SP2: variants seen among roughly 807,000 people sequenced by gnomAD.
SP2 encodes the protein transcription factor Sp2.
A neutral mutation model predicts 50.1 loss-of-function variants in SP2; 9 were observed. The observed-to-expected ratio is 0.18, with a 90% CI of 0.11 to 0.31. The LOEUF (loss-of-function observed/expected upper bound fraction) is 0.31. Among genes scored for constraint, SP2 ranks in the 10% least tolerant of loss-of-function variants. SP2 has a pLI of 1.00. For synonymous variants in SP2, 313 were observed against 326.6 expected, an observed-to-expected ratio of 0.96 and a Z score of 0.45; for missense variants, 581 against 806.5, an observed-to-expected ratio of 0.72 and a Z score of 3.39.
intron 1 of SP2, among the ~76,000 whole-genome samples, chr17:47,911,835 A>G (rs1256390155): frequency 2.0e-5 from 3 of 151,786 alleles, no homozygotes; most frequent in African/African-American, 7.3e-5. Flanking sequence ...CAGTGAAAAC[A>G]CACAAGAAAA....
chr17:47,927,870 G>A lies in SP2; in HGVS notation c.*46G>A. The stretch of plus-strand genomic sequence containing the variant: ...CCTGAAGATGCAGTCCCCCACCTGT[G>A]TCCTCCCTGGGCCCCTGGTGGAAAG... On this transcript the variant is annotated 3_prime_UTR_variant, in exon 7 of 7. Transcript: ENST00000376741. 1 of 1,176,612 alleles carries A rather than the reference G, an allele frequency of 8.5e-7. No individual in the cohort carries two copies. The highest frequency in any genetic ancestry group is 1.2e-6 in the Non-Finnish European group (1 of 803,634). The allele number at this position is 1,176,612 out of a possible 1,614,324, so 72.9% of individuals were successfully genotyped here.
chr17:47,913,602 C>CT, intron 1 of SP2, among the ~76,000 whole-genome samples: 1 of 152,214 alleles, frequency 6.6e-6, no homozygotes, highest in Non-Finnish European at 1.5e-5. Context: ...GGGACGGGGT[C>CT]TAACTGTGTT....
intron 5 of SP2, 97 bp from the exon 6 acceptor site, chr17:47,925,251 A>C: frequency 7.1e-7 from 1 of 1,415,826 alleles, no homozygotes. Context: ...CTCTGACCTG[A>C]CCCCACATCC....
intron 3 of SP2, among the ~76,000 whole-genome samples, chr17:47,922,516 A>C: frequency 6.7e-6 from 1 of 148,942 alleles, no homozygotes. Flanking sequence ...GATAACAAAG[A>C]CCAGAAACTT....
intron 3 of SP2, among the ~76,000 whole-genome samples, chr17:47,920,898 C>T (rs1805497162): frequency 6.6e-6 from 1 of 152,152 alleles, no homozygotes; most frequent in African/African-American, 2.4e-5. Context: ...AGAACATTTT[C>T]ATCACCCCAA....
downstream of SP2, among the ~76,000 whole-genome samples, chr17:47,930,971 C>CT (rs370402197): frequency 8.8e-4 from 130 of 147,704 alleles, 1 homozygote; most frequent in Middle Eastern, 3.5e-3. Flanking sequence ...ATTATATGTA[C>CT]TTTTTTTTTT....
At chr17:47,927,402 G>A (rs1053875065) in intron 6 of SP2, among the ~76,000 whole-genome samples, 16 of 151,862 alleles carry the variant, frequency 1.1e-4, no homozygotes, top group Non-Finnish European at 2.4e-4. Flanking sequence ...GTGCAGTGGC[G>A]GGCATCTGTA....
chr17:47,927,898 G>A lies in SP2; in HGVS notation c.*74G>A, dbSNP rs995067933. On this transcript the variant is annotated 3_prime_UTR_variant, in exon 7 of 7. Coordinates refer to ENST00000376741, the MANE Select transcript of SP2 (RefSeq NM_003110.6). The stretch of plus-strand genomic sequence containing the variant: ...CTCCCTGGGCCCCTGGTGGAAAGGA[G>A]CCCTGTGGCTGCCTTGGGCCTGCCC... The A allele has an allele frequency of 2.4e-5, 22 of 918,120 alleles. No individual in the cohort carries two copies. The African/African-American group carries it at 3.6e-4, about 15-fold the overall frequency. The allele number at this position is 918,120 out of a possible 1,614,324, so 56.9% of individuals were successfully genotyped here.
chr17:47,911,095 G>A (rs1172506398), intron 1 of SP2, among the ~76,000 whole-genome samples: 1 of 152,088 alleles, frequency 6.6e-6, no homozygotes, highest in African/African-American at 2.4e-5. Flanking sequence ...GTGTGGTGGT[G>A]TGCACCAGTG....
intron 1 of SP2, among the ~76,000 whole-genome samples, chr17:47,905,768 A>G (rs1026198755): frequency 1.3e-5 from 2 of 152,214 alleles, no homozygotes; most frequent in African/African-American, 2.4e-5. Flanking sequence ...GGCAGGTAGC[A>G]GGGTCACCTG....
intron 6 of SP2, among the ~76,000 whole-genome samples, chr17:47,926,157 T>C (rs2035641461): frequency 6.6e-6 from 1 of 151,700 alleles, no homozygotes; most frequent in Non-Finnish European, 1.5e-5. Flanking sequence ...CCTCAGGTAA[T>C]CCACCCACCT....
chr17:47,925,979 C>T (rs770132504), intron 6 of SP2, among the ~76,000 whole-genome samples: 17 of 128,972 alleles, frequency 1.3e-4, no homozygotes, highest in Non-Finnish European at 1.9e-4. Context: ...TGAAGTGGTG[C>T]GATCTCAGCT....
In SP2 at chr17:47,917,069, C is replaced by G. The variant is rs760484534; in HGVS notation, c.998C>G (p.Thr333Ser). 2 of 1,613,644 alleles carry G rather than the reference C, an allele frequency of 1.2e-6. No homozygotes were observed. The highest frequency in any genetic ancestry group is 1.7e-6 in the Non-Finnish European group (2 of 1,179,930). The change falls in exon 3 of 7, where the codon ACT becomes AGT. Residue 333 changes from threonine to serine, a missense_variant. Thr to Ser is a moderately conservative substitution (Grantham distance 58). Transcript: ENST00000376741. ...CAGGCGGCATCTGCCACCCTCCCCA[C>G]TGTACCCCAGAAGCCCTCCCAGAAC... Reference protein sequence around the residue: ...VVQAASATLPTVPQKPSQNFQ... With the variant: ...VVQAASATLPSVPQKPSQNFQ...
chr17:47,915,282 T>C, intron 1 of SP2, 30 bp from the exon 2 acceptor site: 1 of 1,524,222 alleles, frequency 6.6e-7, no homozygotes, highest in Non-Finnish European at 9.0e-7. Flanking sequence ...GGGCATTTTA[T>C]ACATTACTCC....
chr17:47,926,855 T>C (rs1598175607), intron 6 of SP2, among the ~76,000 whole-genome samples: 1 of 152,176 alleles, frequency 6.6e-6, no homozygotes, highest in East Asian at 1.9e-4. Context: ...CTATAGTGAA[T>C]GCCCACAGTG....
intron 1 of SP2, among the ~76,000 whole-genome samples, chr17:47,903,655 G>A (rs2034634534): frequency 6.9e-6 from 1 of 144,376 alleles, no homozygotes; most frequent in Non-Finnish European, 1.5e-5. Context: ...GAGCAACACG[G>A]ATGACGTGGT....
intron 1 of SP2, among the ~76,000 whole-genome samples, chr17:47,902,072 G>T (rs1251663033): frequency 1.3e-5 from 2 of 152,170 alleles, no homozygotes; most frequent in African/African-American, 4.8e-5. Context: ...GGGTGATCAG[G>T]GAAGGTCTCA....
chr17:47,927,946 A>G lies in SP2; in HGVS notation c.*122A>G, dbSNP rs1321775621. The G allele has an allele frequency of 7.6e-6, 5 of 657,666 alleles. No individual in the cohort carries two copies. In the East Asian group the frequency reaches 8.2e-5, roughly 11 times the overall value. The allele number at this position is 657,666 out of a possible 1,614,324, so 40.7% of individuals were successfully genotyped here. A position where few individuals can be genotyped will look rare whatever the true frequency, so the allele number is the denominator to read the frequency against. ...CCCTCAGCCCCACTCCTGTTCTGCA[A>G]CTGTCCCCACAGGAAGGGGCTCTGT... On this transcript the variant is annotated 3_prime_UTR_variant, in exon 7 of 7. Transcript: ENST00000376741.
rs141856390 is a variant in SP2, at chr17:47,919,825, C to CTTTTTTTTTTTTTTTTTTTTT, written c.1059+2697_1059+2717dup. On this transcript the variant is annotated intron_variant, in intron 3 of 6. Transcript: ENST00000376741. The stretch of plus-strand genomic sequence containing the variant: ...TTTGATCTGAAACACTTTGTCATTC[C>CTTTTTTTTTTTTTTTTTTTTT]TTTTTTTTTTTTTTTTTTTTTTCTG... Among the ~76,000 whole-genome samples the CTTTTTTTTTTTTTTTTTTTTT allele has an allele frequency of 5.6e-4, 53 of 94,802 alleles. 1 individual carries two copies. The highest frequency in any genetic ancestry group is 7.9e-4 in the South Asian group (2 of 2,544). The allele number at this position is 94,802 out of a possible 152,430, so 62.2% of individuals were successfully genotyped here.
Sources: gnomAD v4.1 joint callset for allele counts (sites outside exome capture counted in the v4.1 genomes callset) on GRCh38, gnomAD v4.1.1 for gene constraint, MANE v1.5 for transcripts, NCBI Gene and HGNC (gene_info 2026-07-23, HGNC 2026-07-21) for gene names.